The following RIMKLB variants were observed in gnomAD, a reference collection of about 807,000 sequenced individuals.
RIMKLB encodes the protein beta-citrylglutamate synthase B.
In RIMKLB, 7 loss-of-function variants were observed where a neutral mutation model predicts 32.0. The ratio of observed to expected loss-of-function variants is 0.22; its 90% CI spans 0.12 to 0.41. The LOEUF is 0.41. RIMKLB is among the 10% of genes least tolerant of loss of function. The probability of loss-of-function intolerance (pLI) is 1.00; values close to 1 mark genes in which losing one functional copy is unlikely to be tolerated. For missense variants in RIMKLB, 289 were observed against 498.7 expected (o/e 0.58, Z 4.00); for synonymous variants, 172 against 185.1 (o/e 0.93, Z 0.57).
chr12:8,716,497 TC>T (rs1343989803), intron 2 of RIMKLB, among the ~76,000 whole-genome samples: 2 of 149,704 alleles, frequency 1.3e-5, no homozygotes, highest in African/African-American at 4.9e-5. Flanking sequence ...TGTTGCTTTT[TC>T]CTTCTAAGCC....
chr12:8,728,365 G>A (rs1946227927), intron 2 of RIMKLB, among the ~76,000 whole-genome samples: 1 of 152,162 alleles, frequency 6.6e-6, no homozygotes, highest in African/African-American at 2.4e-5. Context: ...TGGTATAGTG[G>A]TAAGGTGTGT....
chr12:8,676,382 C>CT, the RIMKLB span, among the ~76,000 whole-genome samples: 2,426 of 37,378 alleles, frequency 0.065, 725 homozygotes, highest in Middle Eastern at 0.15. Flanking sequence ...CCCCCAACAG[C>CT]TTTTTTTTTT....
chr12:8,757,296 G>C (rs1253351825), intron 5 of RIMKLB, among the ~76,000 whole-genome samples: 2 of 151,970 alleles, frequency 1.3e-5, no homozygotes, highest in Non-Finnish European at 2.9e-5. Flanking sequence ...GGGATGCCGA[G>C]GCAAGAGAAT....
intron 1 of RIMKLB, among the ~76,000 whole-genome samples, chr12:8,685,638 C>T (rs1409264559): frequency 1.3e-5 from 2 of 148,260 alleles, no homozygotes; most frequent in Non-Finnish European, 2.9e-5. Context: ...TGCAGTGATG[C>T]CTGCTCTTTC....
intron 2 of RIMKLB, among the ~76,000 whole-genome samples, chr12:8,728,788 TTTTTG>T (rs774855828): frequency 0.027 from 4,008 of 149,498 alleles, 163 homozygotes; most frequent in African/African-American, 0.094. Context: ...TGTGTGTGTG[TTTTTG>T]TTTGTTTGTT....
At chr12:8,740,814 C>T (rs1947435093) in intron 2 of RIMKLB, among the ~76,000 whole-genome samples, 1 of 152,180 alleles carries the variant, frequency 6.6e-6, no homozygotes. Flanking sequence ...AGCTCATGCC[C>T]ATAATCCCAG....
In RIMKLB at chr12:8,774,886, G is replaced by A. The variant is rs1452944626; in HGVS notation, c.*1102G>A. ...TACGAGGGAGTATATGTGTATGTGTGTGCACGCATGCATGTGTATGTGTTT... is the reference window on the plus strand; with the variant it reads ...TACGAGGGAGTATATGTGTATGTGTATGCACGCATGCATGTGTATGTGTTT... On this transcript the variant is annotated 3_prime_UTR_variant, in exon 6 of 6. Transcript: ENST00000535829. The A allele has an allele frequency of 1.0e-6, 1 of 985,530 alleles. No homozygotes were observed. The highest frequency in any genetic ancestry group is 1.7e-5 in the African/African-American group (1 of 57,206). The allele number at this position is 985,530 out of a possible 1,614,324, so 61.0% of individuals were successfully genotyped here. A position where few individuals can be genotyped will look rare whatever the true frequency, so the allele number is the denominator to read the frequency against.
intron 4 of RIMKLB, among the ~76,000 whole-genome samples, chr12:8,752,322 G>A (rs923279724): frequency 2.6e-5 from 4 of 152,188 alleles, no homozygotes; most frequent in Admixed American, 1.3e-4. Context: ...GGAGGCTAAG[G>A]CAGGCGGATC....
intron 1 of RIMKLB, among the ~76,000 whole-genome samples, chr12:8,691,024 TG>T (rs1230631509): frequency 6.6e-6 from 1 of 152,136 alleles, no homozygotes; most frequent in Non-Finnish European, 1.5e-5. Context: ...CTGGGGACAG[TG>T]ATGTAACTAT....
intron 2 of RIMKLB, among the ~76,000 whole-genome samples, chr12:8,715,105 G>C (rs960905050): frequency 2.6e-5 from 4 of 151,974 alleles, no homozygotes; most frequent in South Asian, 2.1e-4. Context: ...CTCTTAGCAA[G>C]CATCACTTTT....
intron 2 of RIMKLB, among the ~76,000 whole-genome samples, chr12:8,745,140 G>A (rs1947957530): frequency 1.3e-5 from 2 of 151,764 alleles, no homozygotes; most frequent in Non-Finnish European, 2.9e-5. Context: ...TAGTAGAGAC[G>A]GGTTTTGCCA....
rs113018000 is a variant in RIMKLB, at chr12:8,687,739, G to T, written n.219+5921G>T. 6.0e-3 allele frequency among the ~76,000 whole-genome samples: 918 copies of T among 151,850 alleles called. 5 individuals carry two copies. Among genetic ancestry groups the T allele is most frequent in the African/African-American group, 9.6e-3 (395 of 41,360 alleles). On this transcript the variant is annotated intron_variant and non_coding_transcript_variant, in intron 1 of 1. Coordinates refer to the RIMKLB transcript ENST00000538758. ...AACAAATTAGGGAGTCAGGGTACTG[G>T]GGACCAGCCTACATTATTGTGTTCC...
intron 7 of RIMKLB, among the ~76,000 whole-genome samples, chr12:8,782,754 A>G (rs1469183256): frequency 6.6e-6 from 1 of 152,186 alleles, no homozygotes; most frequent in East Asian, 1.9e-4. Flanking sequence ...AGACAAAGTG[A>G]TAATAACACA....
At chr12:8,746,620 A>G (rs1417771238) in intron 2 of RIMKLB, among the ~76,000 whole-genome samples, 1 of 151,864 alleles carries the variant, frequency 6.6e-6, no homozygotes, top group Non-Finnish European at 1.5e-5. Flanking sequence ...AAAAAAAGAA[A>G]AAGATATCAA....
At chr12:8,753,835 A>C in intron 4 of RIMKLB, 55 bp from the exon 5 acceptor site, 1 of 1,354,256 alleles carries the variant, frequency 7.4e-7, no homozygotes, top group East Asian at 2.3e-5. Flanking sequence ...GATAATAGGT[A>C]TCATCTGCCC....
At chr12:8,740,135 A>T (rs1591823664) in intron 2 of RIMKLB, among the ~76,000 whole-genome samples, 1 of 151,780 alleles carries the variant, frequency 6.6e-6, no homozygotes, top group East Asian at 2.0e-4. Flanking sequence ...CAGACTCCTC[A>T]CCTCAAGTGG....
chr12:8,777,786 C>A, downstream of RIMKLB: 1 of 831,336 alleles, frequency 1.2e-6, no homozygotes, highest in Non-Finnish European at 1.5e-6. Flanking sequence ...TCAGGCACAG[C>A]CCCAGTCTGC....
chr12:8,742,221 T>C (rs955576408), intron 2 of RIMKLB, among the ~76,000 whole-genome samples: 2 of 151,904 alleles, frequency 1.3e-5, no homozygotes, highest in Non-Finnish European at 2.9e-5. Context: ...ATAACATTTG[T>C]TACACATTTA....
intron 1 of RIMKLB, among the ~76,000 whole-genome samples, chr12:8,684,943 C>A (rs777928413): frequency 6.6e-6 from 1 of 152,334 alleles, no homozygotes; most frequent in South Asian, 2.1e-4. Context: ...TCAAATTACA[C>A]TTGCTCATCA....
Sources: gnomAD v4.1 joint callset for allele counts (sites outside exome capture counted in the v4.1 genomes callset) on GRCh38, gnomAD v4.1.1 for gene constraint, MANE v1.5 for transcripts, NCBI Gene and HGNC (gene_info 2026-07-23, HGNC 2026-07-21) for gene names.